Variants in WWOX observed in about 807,000 individuals in gnomAD.
The protein encoded by WWOX is WW domain containing oxidoreductase.
WWOX carries 69 observed loss-of-function variants against 46.2 expected under a neutral mutation model. That is an observed-to-expected ratio of 1.49 (90% CI 1.23 to 1.82). The LOEUF (loss-of-function observed/expected upper bound fraction) is 1.82. WWOX is among the 40% of genes most tolerant of loss of function. The pLI is 0.00. For synonymous variants in WWOX, 359 were observed against 202.6 expected, an observed-to-expected ratio of 1.77 and a Z score of -6.56; for missense variants, 919 against 542.6, an observed-to-expected ratio of 1.69 and a Z score of -6.89.
chr16:78,386,642 C>G (rs1436834365), intron 5 of WWOX, among the ~76,000 whole-genome samples: 1 of 148,942 alleles, frequency 6.7e-6, no homozygotes, highest in African/African-American at 2.5e-5. Context: ...CCCCACCCCC[C>G]AGCCTGTAGG....
At chr16:78,598,521 C>A (rs997094426) in intron 8 of WWOX, among the ~76,000 whole-genome samples, 5 of 152,098 alleles carry the variant, frequency 3.3e-5, no homozygotes, top group African/African-American at 1.2e-4. Flanking sequence ...CTTGCCATGG[C>A]GAGAGCTTAG....
chr16:78,620,576 C>G (rs1013792903), intron 8 of WWOX, among the ~76,000 whole-genome samples: 2 of 152,196 alleles, frequency 1.3e-5, no homozygotes, highest in African/African-American at 4.8e-5. Flanking sequence ...GCCACCTTAT[C>G]TGGGACTCTT....
chr16:79,072,655 G>C (rs2048573107), intron 8 of WWOX, among the ~76,000 whole-genome samples: 1 of 152,176 alleles, frequency 6.6e-6, no homozygotes, highest in African/African-American at 2.4e-5. Context: ...AGCAGTACTT[G>C]TTTTAGCTGT....
In WWOX at chr16:78,395,331, T is replaced by C. The variant is rs554062649; in HGVS notation, c.605+8383T>C. 7.2e-5 allele frequency among the ~76,000 whole-genome samples: 11 copies of C among 152,200 alleles called. No homozygotes were observed. The South Asian group carries it at 8.3e-4, about 11-fold the overall frequency. ...TTCCGGAGTTTGAGACCAGCCTCGG[T>C]AATTTGGCAAAACCTTGTCTCTACA... On this transcript the variant is annotated intron_variant, in intron 6 of 8. Transcript: ENST00000566780.
chr16:78,350,271 C>G lies in WWOX; in HGVS notation c.517-36589C>G, dbSNP rs2081161197. ...TAGCGAGCTGAAGTTTGTAAATTTT[C>G]TCAAGCTACTTTATTGATATATAAC... On this transcript the variant is annotated intron_variant, in intron 5 of 8. Coordinates refer to ENST00000566780, the MANE Select transcript of WWOX (RefSeq NM_016373.4). Among the ~76,000 whole-genome samples the G allele has an allele frequency of 1.6e-5, 2 of 121,522 alleles. 1 individual carries two copies. 79.7% of individuals were successfully genotyped at this position (121,522 alleles called of 152,430 possible).
chr16:78,862,230 A>T (rs911592435), intron 8 of WWOX, among the ~76,000 whole-genome samples: 1 of 139,138 alleles, frequency 7.2e-6, no homozygotes, highest in Non-Finnish European at 1.7e-5. Context: ...GTCTGTCTGT[A>T]TCTATACACA....
intron 8 of WWOX, among the ~76,000 whole-genome samples, chr16:78,496,812 T>A (rs8053698): frequency 0.65 from 98,884 of 151,664 alleles, 35,277 homozygotes; most frequent in East Asian, 0.83. Flanking sequence ...CCCCAAGACA[T>A]GGAGAAGTCA....
intron 8 of WWOX, among the ~76,000 whole-genome samples, chr16:78,672,905 G>A (rs1199397444): frequency 6.6e-6 from 1 of 152,196 alleles, no homozygotes; most frequent in East Asian, 1.9e-4. Flanking sequence ...CCTGATAAAT[G>A]CTGTGCCTTC....
At chr16:79,038,134 C>A (rs1172056964) in intron 8 of WWOX, among the ~76,000 whole-genome samples, 1 of 152,066 alleles carries the variant, frequency 6.6e-6, no homozygotes, top group Non-Finnish European at 1.5e-5. Flanking sequence ...AGGATCTGTC[C>A]CCCCGTGAAC....
rs764192946 is a variant in WWOX, at chr16:78,826,130, C to T, written c.1057-385478C>T. On this transcript the variant is annotated intron_variant, in intron 8 of 8. Transcript: ENST00000566780. ...CAGCACTGTGGGAGTCAAGACAGGC[C>T]GATCACTTGAGGTCAAGAGTTCAAG... 1.4e-3 allele frequency: 379 copies of T among 268,152 alleles called. 6 individuals carry two copies. The highest frequency in any genetic ancestry group is 1.1e-3 in the Middle Eastern group (1 of 894). The allele number at this position is 268,152 out of a possible 1,614,324, so 16.6% of individuals were successfully genotyped here.
chr16:78,681,781 T>C (rs2047735857), intron 8 of WWOX, among the ~76,000 whole-genome samples: 1 of 152,222 alleles, frequency 6.6e-6, no homozygotes, highest in South Asian at 2.1e-4. Context: ...TGTGGCGTAC[T>C]ATCTATTTGG....
rs1399743363 is a variant in WWOX at position 78,344,333 on chromosome 16, A to G, written c.517-42527A>G. Among the ~76,000 whole-genome samples, 2 of 120,902 alleles carry G rather than the reference A, an allele frequency of 1.7e-5. 1 individual carries two copies. The highest frequency in any genetic ancestry group is 4.9e-4 in the South Asian group (2 of 4,042). 79.3% of individuals were successfully genotyped at this position (120,902 alleles called of 152,430 possible). On this transcript the variant is annotated intron_variant, in intron 5 of 8. Transcript: ENST00000566780. Reference sequence around the variant, plus strand: ...ATTTCTCTAAAATCTGCATTTGTCAATTTTGTATTTTTTTATTTGAAAGGT... The same window carrying G: ...ATTTCTCTAAAATCTGCATTTGTCAGTTTTGTATTTTTTTATTTGAAAGGT...
chr16:78,422,167 T>C (rs994343174), intron 6 of WWOX, among the ~76,000 whole-genome samples: 3 of 152,174 alleles, frequency 2.0e-5, no homozygotes, highest in East Asian at 1.9e-4. Flanking sequence ...GTCTCATAGA[T>C]TTGTAAGAAC....
intron 8 of WWOX, among the ~76,000 whole-genome samples, chr16:78,720,667 A>G (rs141794897): frequency 2.0e-5 from 3 of 152,212 alleles, no homozygotes; most frequent in East Asian, 1.9e-4. Flanking sequence ...GGCTCTGACT[A>G]TATAACAGAA....
In WWOX at chr16:78,540,020, T is replaced by TCA. The variant is rs71140810; in HGVS notation, c.1056+107295_1056+107296dup. 9.8e-3 allele frequency among the ~76,000 whole-genome samples: 1,303 copies of TCA among 132,814 alleles called. 10 individuals carry two copies. The highest frequency in any genetic ancestry group is 0.023 in the African/African-American group (750 of 33,262). 87.1% of individuals were successfully genotyped at this position (132,814 alleles called of 152,430 possible). A position where few individuals can be genotyped will look rare whatever the true frequency, so the allele number is the denominator to read the frequency against. The stretch of plus-strand genomic sequence containing the variant: ...CTTTCTCTCTCTCTCTCTCTCTCTC[T>TCA]CACACACACACACACACACACACAC... On this transcript the variant is annotated intron_variant, in intron 8 of 8. Coordinates refer to ENST00000566780, the MANE Select transcript of WWOX (RefSeq NM_016373.4).
At position 78,535,705 on chromosome 16, in the gene WWOX, A is replaced by G. The variant is rs917619652; in HGVS notation, c.1056+102953A>G. 4.4e-4 allele frequency: 67 copies of G among 152,332 alleles called. 1 individual carries two copies. The highest frequency in any genetic ancestry group is 1.5e-3 in the African/African-American group (64 of 41,582). The allele number at this position is 152,332 out of a possible 1,614,324, so 9.4% of individuals were successfully genotyped here. On this transcript the variant is annotated intron_variant, in intron 8 of 8. Coordinates refer to ENST00000566780, the MANE Select transcript of WWOX (RefSeq NM_016373.4). ...AATCTCGTCTTCTTTGTTACAATGT[A>G]TGTTGTGGTCTTTGTTACAATGTAT...
Position 78,825,995 on chromosome 16 carries a change from C to G in WWOX, c.1057-385613C>G, listed in dbSNP as rs1374226796. The G allele has an allele frequency of 2.0e-5, 14 of 687,332 alleles. 1 individual carries two copies. In the Admixed American group the frequency reaches 3.0e-4, roughly 15 times the overall value. 42.6% of individuals were successfully genotyped at this position (687,332 alleles called of 1,614,324 possible). A position where few individuals can be genotyped will look rare whatever the true frequency, so the allele number is the denominator to read the frequency against. On this transcript the variant is annotated intron_variant, in intron 8 of 8. Transcript: ENST00000566780. ...GCCGCCTGCTATGCCCCAGCCAGTC[C>G]CCATAGCATAACGGGCTGTCCTTGG...
At chr16:79,136,104 T>C (rs2049976975) in intron 8 of WWOX, among the ~76,000 whole-genome samples, 2 of 152,222 alleles carry the variant, frequency 1.3e-5, no homozygotes, top group African/African-American at 4.8e-5. Context: ...ATTTAAGTCT[T>C]GTATTTTCCA....
intron 8 of WWOX, chr16:78,756,808 C>A: frequency 3.6e-6 from 2 of 560,132 alleles, no homozygotes; most frequent in Non-Finnish European, 6.5e-6. Context: ...TCAGCATAGT[C>A]TTCTCGGACA....
Sources: gnomAD v4.1 joint callset for allele counts (sites outside exome capture counted in the v4.1 genomes callset) on GRCh38, gnomAD v4.1.1 for gene constraint, MANE v1.5 for transcripts, NCBI Gene and HGNC (gene_info 2026-07-23, HGNC 2026-07-21) for gene names.